Variants in MALRD1 observed in about 807,000 individuals in gnomAD.
MALRD1 encodes MAM and LDL-receptor class A domain-containing protein 1.
A neutral mutation model predicts 242.1 loss-of-function variants in MALRD1; 247 were observed. The observed-to-expected ratio is 1.02, with a 90% confidence interval of 0.92 to 1.13. The LOEUF is 1.13. MALRD1 is among the 50% of genes most tolerant of loss of function. The pLI, the probability that MALRD1 is intolerant of heterozygous loss-of-function variation, is 0.00. For missense variants in MALRD1, 2,989 were observed against 2,533.1 expected (o/e 1.18, Z -3.86); for synonymous variants, 995 against 866.6 (o/e 1.15, Z -2.60).
At chr10:19,683,439 A>G (rs1842456081) in intron 36 of MALRD1, among the ~76,000 whole-genome samples, 1 of 152,224 alleles carries the variant, frequency 6.6e-6, no homozygotes, top group African/African-American at 2.4e-5. Context: ...TTTAATTCTC[A>G]TACACATTCT....
chr10:19,068,278 TTCTC>T (rs1230884602), intron 2 of MALRD1, among the ~76,000 whole-genome samples: 4 of 152,220 alleles, frequency 2.6e-5, no homozygotes, highest in African/African-American at 7.2e-5. Context: ...CCCAATTTTC[TTCTC>T]TCTCTCTTTC....
chr10:19,607,744 G>C, intron 34 of MALRD1, 33 bp from the exon 35 acceptor site: 7 of 1,534,676 alleles, frequency 4.6e-6, no homozygotes, highest in Non-Finnish European at 6.1e-6. Flanking sequence ...AATCATGCTG[G>C]CATCCCTGAT....
chr10:19,653,435 G>A (rs546970359), intron 36 of MALRD1, among the ~76,000 whole-genome samples: 26 of 152,250 alleles, frequency 1.7e-4, no homozygotes, highest in African/African-American at 6.3e-4. Context: ...CTGGTCTTAA[G>A]CAGTCCACCC....
chr10:19,122,956 CCT>C (rs1837118259), intron 5 of MALRD1, among the ~76,000 whole-genome samples: 1 of 152,160 alleles, frequency 6.6e-6, no homozygotes, highest in Admixed American at 6.5e-5. Context: ...GAACTCCTGA[CCT>C]CAGGTGATCC....
chr10:19,146,299 G>C lies in MALRD1; in HGVS notation c.1513G>C (p.Glu505Gln). Residue 505 changes from glutamate (E) to glutamine (Q), a missense_variant, in exon 11 of 40, where the codon GAG (glutamate) becomes CAG (glutamine). By Grantham distance (29) the Glu-to-Gln change is conservative. Coordinates refer to ENST00000454679, the MANE Select transcript of MALRD1 (RefSeq NM_001142308.3). ...GCTGATGAAAGGATTGAATAATGGA[G>C]AGCACCACTTTCCTGCAGCTGATCA... ...WKLMKGLNNG[E>Q]HHFPAADHTA... is the part of the protein sequence containing the mutation. 1 of 1,231,602 alleles carries C rather than the reference G, an allele frequency of 8.1e-7. No individual in the cohort carries two copies. Among genetic ancestry groups the C allele is most frequent in the Admixed American group, 4.2e-5 (1 of 23,708 alleles). The allele number at this position is 1,231,602 out of a possible 1,614,324, so 76.3% of individuals were successfully genotyped here.
chr10:19,278,865 G>A (rs1840667660), intron 19 of MALRD1, among the ~76,000 whole-genome samples: 1 of 152,118 alleles, frequency 6.6e-6, no homozygotes, highest in Non-Finnish European at 1.5e-5. Context: ...ATTAACATAA[G>A]CAAATTGATA....
At chr10:19,393,305 C>A (rs11009726) in intron 28 of MALRD1, among the ~76,000 whole-genome samples, 17,355 of 151,900 alleles carry the variant, frequency 0.11, 1,107 homozygotes, top group South Asian at 0.17. Flanking sequence ...TTCCAGACCA[C>A]CTAAGATTTA....
intron 18 of MALRD1, among the ~76,000 whole-genome samples, chr10:19,251,559 T>A (rs1014454142): frequency 2.0e-5 from 3 of 151,970 alleles, no homozygotes; most frequent in Admixed American, 6.6e-5. Flanking sequence ...GTATCAGGGA[T>A]CTAGTGTTTT....
intron 28 of MALRD1, among the ~76,000 whole-genome samples, chr10:19,400,233 C>T (rs1285564431): frequency 6.6e-6 from 1 of 152,122 alleles, no homozygotes; most frequent in African/African-American, 2.4e-5. Flanking sequence ...AAGTGAATGT[C>T]CTTCAATATT....
chr10:19,508,039 T>C (rs936797683), intron 31 of MALRD1, among the ~76,000 whole-genome samples: 31 of 151,676 alleles, frequency 2.0e-4, no homozygotes, highest in Non-Finnish European at 4.6e-4. Context: ...ATATGAAGCA[T>C]TATTAATCAC....
chr10:19,257,517 T>C (rs1164413999), intron 18 of MALRD1, among the ~76,000 whole-genome samples, 167 bp from the exon 19 acceptor site: 1 of 152,152 alleles, frequency 6.6e-6, no homozygotes, highest in Admixed American at 6.6e-5. Context: ...ACTAGAAGTA[T>C]TCAAGGCAAG....
chr10:19,449,132 G>C (rs1021163641), intron 28 of MALRD1, among the ~76,000 whole-genome samples: 3 of 152,086 alleles, frequency 2.0e-5, no homozygotes, highest in African/African-American at 7.2e-5. Flanking sequence ...TGCAAGGAAA[G>C]GTAGATTTTA....
chr10:19,608,041 A>G (rs1838721448), intron 35 of MALRD1, 139 bp downstream of exon 35: 6 of 1,201,160 alleles, frequency 5.0e-6, no homozygotes, highest in Non-Finnish European at 6.8e-6. Flanking sequence ...TTGGGGGCAG[A>G]AAGAATGTTG....
In MALRD1 at chr10:19,592,843, C is replaced by A. The variant is rs1837888583; in HGVS notation, c.5681-2351C>A. Among the ~76,000 whole-genome samples the A allele has an allele frequency of 7.3e-5, 11 of 150,652 alleles. No individual in the cohort carries two copies. In the South Asian group the frequency reaches 2.3e-3, roughly 31 times the overall value. ...AAAGTCTTTGTTTTTGAATAGAGAACATTATTTTCCTCATTTTTTAAAAAG... is the reference window on the plus strand; with the variant it reads ...AAAGTCTTTGTTTTTGAATAGAGAAAATTATTTTCCTCATTTTTTAAAAAG... On this transcript the variant is annotated intron_variant, in intron 33 of 39. Coordinates refer to ENST00000454679, the MANE Select transcript of MALRD1 (RefSeq NM_001142308.3).
At chr10:19,238,855 T>G (rs1838624518) in intron 18 of MALRD1, among the ~76,000 whole-genome samples, 1 of 151,590 alleles carries the variant, frequency 6.6e-6, no homozygotes, top group South Asian at 2.1e-4. Flanking sequence ...TGTGTAAGTG[T>G]TCCCTTTTCT....
Position 19,203,754 on chromosome 10 carries a change from A to T in MALRD1, c.1978A>T (p.Ser660Cys). The change falls in exon 15 of 40, where the codon AGC becomes TGC. Residue 660 changes from serine (S) to cysteine (C), a missense_variant. Transcript: ENST00000454679. ...TTCCAAGTGTGACTTTGAAGCAAACAGCTGTGATTGGTTTGAAGCAATTAG... is the reference window on the plus strand; with the variant it reads ...TTCCAAGTGTGACTTTGAAGCAAACTGCTGTGATTGGTTTGAAGCAATTAG... Reference protein sequence around the residue: ...KFSKCDFEANSCDWFEAISGD... With the variant: ...KFSKCDFEANCCDWFEAISGD... 1 of 1,543,792 alleles carries T rather than the reference A, an allele frequency of 6.5e-7. No individual in the cohort carries two copies. The highest frequency in any genetic ancestry group is 8.8e-7 in the Non-Finnish European group (1 of 1,141,902).
chr10:19,500,543 A>G (rs1837923525), intron 31 of MALRD1, among the ~76,000 whole-genome samples: 1 of 152,254 alleles, frequency 6.6e-6, no homozygotes, highest in South Asian at 2.1e-4. Flanking sequence ...AATCTTTGCA[A>G]GAAAACAGAG....
chr10:19,542,899 A>G (rs1481818608), intron 32 of MALRD1, among the ~76,000 whole-genome samples: 1 of 152,212 alleles, frequency 6.6e-6, no homozygotes, highest in African/African-American at 2.4e-5. Context: ...GAATGCCTAA[A>G]GATTCAAGAC....
chr10:19,257,866 A>G (rs576397745), intron 19 of MALRD1, 95 bp downstream of exon 19: 2 of 874,802 alleles, frequency 2.3e-6, no homozygotes, highest in South Asian at 2.2e-5. Flanking sequence ...AAAATTTCCA[A>G]TATGACCTTG....
Sources: gnomAD v4.1 joint callset for allele counts (sites outside exome capture counted in the v4.1 genomes callset) on GRCh38, gnomAD v4.1.1 for gene constraint, MANE v1.5 for transcripts, NCBI Gene and HGNC (gene_info 2026-07-23, HGNC 2026-07-21) for gene names.